MACF1: variants seen among roughly 807,000 people sequenced by gnomAD.
MACF1 encodes the protein microtubule-actin cross-linking factor 1.
In MACF1, 193 loss-of-function variants were observed where a neutral mutation model predicts 854.8. The ratio of observed to expected loss-of-function variants is 0.23; its 90% CI spans 0.20 to 0.25. MACF1 has a LOEUF of 0.25. Ranked by LOEUF, MACF1 falls within the 10% of genes least tolerant of loss-of-function variation. MACF1 has a pLI of 1.00. For missense variants in MACF1, 7,722 were observed against 8,929.1 expected, an observed-to-expected ratio of 0.86 and a Z score of 5.45; for synonymous variants, 3,185 against 3,226.7, an observed-to-expected ratio of 0.99 and a Z score of 0.44.
At chr1:39,408,493 C>T (rs1318014384) in intron 58 of MACF1, among the ~76,000 whole-genome samples, 4 of 152,164 alleles carry the variant, frequency 2.6e-5, no homozygotes, top group Non-Finnish European at 4.4e-5. Flanking sequence ...GCGATGCAGG[C>T]GGCCTACCCC....
At chr1:39,374,397 T>G (rs1334763107) in intron 52 of MACF1, among the ~76,000 whole-genome samples, 2 of 152,258 alleles carry the variant, frequency 1.3e-5, no homozygotes, top group African/African-American at 4.8e-5. Flanking sequence ...TCTGAAAATG[T>G]GTACTTTTCT....
At chr1:39,413,075 C>T (rs1472263703) in intron 58 of MACF1, 1 of 1,600,840 alleles carries the variant, frequency 6.2e-7, no homozygotes, top group Non-Finnish European at 8.5e-7. Context: ...CCAGCTGTTG[C>T]AGCAGCCATC....
At chr1:39,199,603 A>G (rs1292094084) in intron 2 of MACF1, among the ~76,000 whole-genome samples, 1 of 152,174 alleles carries the variant, frequency 6.6e-6, no homozygotes, top group African/African-American at 2.4e-5. Flanking sequence ...AATAATATAT[A>G]GTTCCCAGGG....
chr1:39,286,530 G>A (rs1054776766), intron 14 of MACF1, among the ~76,000 whole-genome samples: 2 of 150,564 alleles, frequency 1.3e-5, no homozygotes, highest in East Asian at 2.0e-4. Flanking sequence ...GCAGTGACAC[G>A]ATCTCGGCTC....
chr1:39,198,650 C>A (rs1644352569), intron 2 of MACF1, among the ~76,000 whole-genome samples: 1 of 144,724 alleles, frequency 6.9e-6, no homozygotes, highest in Admixed American at 6.8e-5. Flanking sequence ...GAGCGAAACT[C>A]CGTCTCAAAA....
intron 31 of MACF1, among the ~76,000 whole-genome samples, chr1:39,321,161 A>G (rs563542359): frequency 1.6e-4 from 25 of 152,214 alleles, no homozygotes; most frequent in Non-Finnish European, 3.2e-4. Context: ...GCTTTCCTTT[A>G]GTTAATAACA....
chr1:39,099,557 G>T (rs1368751892), intron 2 of MACF1, among the ~76,000 whole-genome samples: 1 of 152,148 alleles, frequency 6.6e-6, no homozygotes, highest in African/African-American at 2.4e-5. Context: ...GTTGAGGAAG[G>T]AGCACTAGCA....
At chr1:39,388,753 A>G in intron 58 of MACF1, 95 bp downstream of exon 58, 1 of 1,190,148 alleles carries the variant, frequency 8.4e-7, no homozygotes, top group Non-Finnish European at 1.1e-6. Context: ...TTCTGTCCCT[A>G]GTTTTATTAT....
intron 44 of MACF1, among the ~76,000 whole-genome samples, chr1:39,354,266 C>A (rs1647334498): frequency 6.6e-6 from 1 of 152,124 alleles, no homozygotes; most frequent in African/African-American, 2.4e-5. Flanking sequence ...GGAGGGGGCC[C>A]AGCTATTTGT....
chr1:39,467,371 AAG>A (rs1279098373), intron 95 of MACF1, among the ~76,000 whole-genome samples: 2 of 152,150 alleles, frequency 1.3e-5, no homozygotes, highest in African/African-American at 4.8e-5. Flanking sequence ...TCTCAAAAAA[AAG>A]AAAAAGAAAA....
intron 26 of MACF1, among the ~76,000 whole-genome samples, chr1:39,313,659 C>T (rs1646348439): frequency 6.6e-6 from 1 of 151,434 alleles, no homozygotes; most frequent in Admixed American, 6.6e-5. Flanking sequence ...TAATTTGTTA[C>T]TGTCATTGTT....
At chr1:39,447,270 C>A (rs925029861) in intron 80 of MACF1, among the ~76,000 whole-genome samples, 162 bp from the exon 81 acceptor site, 2 of 152,170 alleles carry the variant, frequency 1.3e-5, no homozygotes, top group Admixed American at 1.3e-4. Context: ...TTAAAATGTC[C>A]CCTTCTTTAC....
intron 92 of MACF1, 68 bp from the exon 93 acceptor site, chr1:39,461,815 A>ATC: frequency 1.9e-6 from 2 of 1,064,690 alleles, no homozygotes; most frequent in Non-Finnish European, 1.3e-6. Flanking sequence ...AAAAAAAAAA[A>ATC]AAATCTATAA....
At chr1:39,463,497 A>G in intron 93 of MACF1, 115 bp from the exon 94 acceptor site, 1 of 718,570 alleles carries the variant, frequency 1.4e-6, no homozygotes, top group South Asian at 1.6e-5. Flanking sequence ...TCTCAAAAAA[A>G]AAAAAAAATG....
intron 2 of MACF1, among the ~76,000 whole-genome samples, chr1:39,117,430 A>G (rs913847207): frequency 2.0e-5 from 3 of 152,038 alleles, no homozygotes; most frequent in African/African-American, 7.2e-5. Flanking sequence ...CATGAGTCAC[A>G]CTGGGGAGTG....
At chr1:39,124,018 G>T (rs1027390698) in intron 2 of MACF1, among the ~76,000 whole-genome samples, 13 of 151,604 alleles carry the variant, frequency 8.6e-5, no homozygotes, top group African/African-American at 3.2e-4. Context: ...GGGATTACAG[G>T]CGTGAGCTAC....
intron 2 of MACF1, among the ~76,000 whole-genome samples, chr1:39,172,423 A>T (rs1571132431): frequency 6.6e-6 from 1 of 152,166 alleles, no homozygotes; most frequent in Non-Finnish European, 1.5e-5. Flanking sequence ...GCTTGGCTAA[A>T]CAGTGCCTTT....
At chr1:39,258,464 T>C (rs1645120719) in intron 6 of MACF1, among the ~76,000 whole-genome samples, 1 of 152,208 alleles carries the variant, frequency 6.6e-6, no homozygotes, top group South Asian at 2.1e-4. Flanking sequence ...ACAAGCCTCG[T>C]TAATTAGAAT....
chr1:39,370,174 T>G lies in MACF1; in HGVS notation c.13083T>G (p.Ile4361Met). 6.2e-7 allele frequency: 1 copy of G among 1,612,174 alleles called. No individual in the cohort carries two copies. Among genetic ancestry groups the G allele is most frequent in the Non-Finnish European group, 8.5e-7 (1 of 1,179,206 alleles). The change falls in exon 51 of 101, where the codon ATT (isoleucine) becomes ATG (methionine). Residue 4361 changes from isoleucine to methionine, a missense_variant. By Grantham distance (10) the Ile-to-Met change is conservative (BLOSUM62 1). Transcript: ENST00000564288. The part of the protein sequence containing the change: ...SMSAKELEKQ[I>M]EHLKSLLDDW... ...GTGCTAAAGAGTTAGAAAAGCAGAT[T>G]GAACACCTGAAGGTAGGTGAACAAA...
Sources: gnomAD v4.1 joint callset for allele counts (sites outside exome capture counted in the v4.1 genomes callset) on GRCh38, gnomAD v4.1.1 for gene constraint, MANE v1.5 for transcripts, NCBI Gene and HGNC (gene_info 2026-07-23, HGNC 2026-07-21) for gene names.